The following USP54 variants were observed in gnomAD, a reference collection of about 807,000 sequenced individuals.
USP54 encodes ubiquitin specific peptidase 54, also known as ubiquitin carboxyl-terminal hydrolase 54.
In USP54, 87 loss-of-function variants were observed where a neutral mutation model predicts 170.5. The observed-to-expected ratio is 0.51, with a 90% CI of 0.43 to 0.61. The LOEUF (loss-of-function observed/expected upper bound fraction) is 0.61, where lower values mean the gene tolerates loss of function less well. Among genes scored for constraint, USP54 ranks in the 20% least tolerant of loss-of-function variants. The probability of loss-of-function intolerance (pLI) is 0.00; values close to 1 mark genes in which losing one functional copy is unlikely to be tolerated. For missense variants in USP54, 1,786 were observed against 2,047.8 expected (o/e 0.87, Z 2.47); for synonymous variants, 655 against 742.8 (o/e 0.88, Z 1.92).
chr10:73,564,818 C>A (rs1402782344), intron 4 of USP54, among the ~76,000 whole-genome samples: 3 of 150,092 alleles, frequency 2.0e-5, no homozygotes, highest in African/African-American at 7.4e-5. Flanking sequence ...ATGCCAGCAC[C>A]TTGAGAGGCC....
chr10:73,599,115 A>G (rs2078972413), intron 1 of USP54, among the ~76,000 whole-genome samples: 1 of 152,184 alleles, frequency 6.6e-6, no homozygotes, highest in Non-Finnish European at 1.5e-5. Flanking sequence ...CTGACTGCCC[A>G]TGGAAAAAAT....
intron 16 of USP54, among the ~76,000 whole-genome samples, chr10:73,524,439 GTT>G: frequency 6.6e-6 from 1 of 152,034 alleles, no homozygotes; most frequent in South Asian, 2.1e-4. Flanking sequence ...AATTAGCCAG[GTT>G]TGGTGGCAGG....
intron 9 of USP54, 65 bp downstream of exon 9, chr10:73,541,310 A>G: frequency 6.2e-7 from 1 of 1,600,218 alleles, no homozygotes; most frequent in South Asian, 1.1e-5. Context: ...TCTAGTGCTC[A>G]CTGCTCCTAA....
chr10:73,596,159 C>T (rs1156682470), upstream of USP54, among the ~76,000 whole-genome samples: 3 of 151,634 alleles, frequency 2.0e-5, no homozygotes, highest in African/African-American at 4.8e-5. Flanking sequence ...CAGTGGCTCA[C>T]GCCTATAATC....
intron 12 of USP54, among the ~76,000 whole-genome samples, 173 bp downstream of exon 12, chr10:73,534,427 T>A (rs1483348508): frequency 6.6e-6 from 1 of 152,102 alleles, no homozygotes; most frequent in African/African-American, 2.4e-5. Flanking sequence ...TTAGCCAGGA[T>A]GGTCTCCATC....
intron 4 of USP54, 145 bp downstream of exon 4, chr10:73,571,276 C>G: frequency 1.6e-6 from 1 of 631,956 alleles, no homozygotes; most frequent in Non-Finnish European, 2.6e-6. Context: ...AGCAAGCAAA[C>G]AAATCATATC....
intron 1 of USP54, among the ~76,000 whole-genome samples, chr10:73,611,129 A>G (rs527393784): frequency 1.3e-5 from 2 of 152,320 alleles, no homozygotes; most frequent in South Asian, 4.1e-4. Flanking sequence ...ATATTCATAT[A>G]TGTGCCTGAT....
rs1300503653 is a variant in USP54, at chr10:73,530,374, T to G, written c.1597A>C (p.Arg533=). 1 of 1,614,162 alleles carries G rather than the reference T, an allele frequency of 6.2e-7. No homozygotes were observed. Among genetic ancestry groups the G allele is most frequent in the Non-Finnish European group, 8.5e-7 (1 of 1,180,032 alleles). Residue 533 remains arginine, a synonymous_variant, in exon 14 of 24, where the codon AGG becomes CGG. Transcript: ENST00000687698. ...ASQTNVGSHC[R]GRGGDQPDKK... is the part of the protein sequence containing the mutation. ...TCAGGCTGGTCTCCTCCTCTGCCCCTGCAGTGAGAGCCTACATTGGTCTGA... is the reference window on the plus strand; with the variant it reads ...TCAGGCTGGTCTCCTCCTCTGCCCCGGCAGTGAGAGCCTACATTGGTCTGA...
At chr10:73,533,239 G>C (rs1382804962) in intron 12 of USP54, among the ~76,000 whole-genome samples, 1 of 152,008 alleles carries the variant, frequency 6.6e-6, no homozygotes, top group Non-Finnish European at 1.5e-5. Context: ...CTGGGAGGTG[G>C]AGATTGCAGT....
chr10:73,604,053 A>C (rs2079420024), intron 1 of USP54, among the ~76,000 whole-genome samples: 1 of 152,000 alleles, frequency 6.6e-6, no homozygotes, highest in Non-Finnish European at 1.5e-5. Flanking sequence ...GTTCGAGACC[A>C]GCCTGGCCAA....
At chr10:73,522,805 T>C (rs973457250) in intron 17 of USP54, among the ~76,000 whole-genome samples, 5 of 152,114 alleles carry the variant, frequency 3.3e-5, no homozygotes, top group Non-Finnish European at 7.4e-5. Flanking sequence ...TAAGTGTATA[T>C]AAAAAGAGAA....
intron 15 of USP54, among the ~76,000 whole-genome samples, chr10:73,528,520 T>G (rs1028446972): frequency 2.0e-5 from 3 of 152,080 alleles, no homozygotes; most frequent in East Asian, 1.9e-4. Context: ...CCTCCCAAAG[T>G]GCTGGGATTA....
chr10:73,562,586 T>G (rs2073324623), intron 4 of USP54, among the ~76,000 whole-genome samples: 1 of 152,218 alleles, frequency 6.6e-6, no homozygotes, highest in Non-Finnish European at 1.5e-5. Context: ...CAATGTGATG[T>G]TTTATGAGAT....
Position 73,543,265 on chromosome 10 carries a change from T to G in USP54, c.376-134A>C, listed in dbSNP as rs958880145. Reference sequence around the variant, plus strand: ...TATTTTGATTTTTAAAAATTTTTAGTTTAAAAAAATTATAAATTCATAGCA... The same window carrying G: ...TATTTTGATTTTTAAAAATTTTTAGGTTAAAAAAATTATAAATTCATAGCA... On this transcript the variant is annotated intron_variant, in intron 5 of 23. Transcript: ENST00000687698. 5 of 634,876 alleles carry G rather than the reference T, an allele frequency of 7.9e-6. No homozygotes were observed. The African/African-American group carries it at 9.2e-5, about 12-fold the overall frequency. The allele number at this position is 634,876 out of a possible 1,614,324, so 39.3% of individuals were successfully genotyped here. A position where few individuals can be genotyped will look rare whatever the true frequency, so the allele number is the denominator to read the frequency against.
chr10:73,539,704 TCC>T (rs2066160922), intron 9 of USP54, 111 bp from the exon 10 acceptor site: 1 of 1,201,062 alleles, frequency 8.3e-7, no homozygotes, highest in Admixed American at 2.7e-5. Flanking sequence ...TTGCTTCTCT[TCC>T]CTTCAGTTTA....
chr10:73,502,333 G>A (rs61097597), intron 22 of USP54, among the ~76,000 whole-genome samples: 260 of 152,058 alleles, frequency 1.7e-3, no homozygotes, highest in African/African-American at 6.0e-3. Flanking sequence ...TTTTGAGACG[G>A]AGTCTCGCTC....
At chr10:73,513,681 A>G (rs1477163492) in intron 20 of USP54, among the ~76,000 whole-genome samples, 1 of 152,222 alleles carries the variant, frequency 6.6e-6, no homozygotes, top group East Asian at 1.9e-4. Flanking sequence ...TATATAGTAC[A>G]TGTGTATAAA....
chr10:73,500,617 C>G (rs2057908865), intron 23 of USP54, 38 bp downstream of exon 23: 3 of 1,548,068 alleles, frequency 1.9e-6, no homozygotes, highest in East Asian at 4.8e-5. Context: ...GAAAAGGTAC[C>G]AAATTCTGGC....
intron 20 of USP54, among the ~76,000 whole-genome samples, chr10:73,515,458 C>G (rs542599629): frequency 6.6e-6 from 1 of 152,312 alleles, no homozygotes; most frequent in South Asian, 2.1e-4. Context: ...ATTTCCAGAA[C>G]TGACTATGAT....
Sources: allele counts gnomAD v4.1 joint callset (sites outside exome capture counted in the v4.1 genomes callset), GRCh38; gene constraint gnomAD v4.1.1; transcripts MANE v1.5; gene names NCBI Gene and HGNC (gene_info 2026-07-23, HGNC 2026-07-21).